PAPSS1: variants seen among roughly 807,000 people sequenced by gnomAD.
The protein encoded by PAPSS1 is bifunctional 3'-phosphoadenosine 5'-phosphosulfate synthase 1.
Under a neutral mutation model 72.0 loss-of-function variants are expected in PAPSS1, and 50 were observed. The observed-to-expected ratio is 0.69, with a 90% CI of 0.55 to 0.88. PAPSS1 has a LOEUF of 0.88. PAPSS1 is among the 40% of genes least tolerant of loss of function. PAPSS1 has a pLI of 0.00. For missense variants in PAPSS1, 657 were observed against 782.2 expected, an observed-to-expected ratio of 0.84 and a Z score of 1.91; for synonymous variants, 261 against 263.6, an observed-to-expected ratio of 0.99 and a Z score of 0.09.
At chr4:107,720,010 G>A in intron 1 of PAPSS1, 110 bp downstream of exon 1, 2 of 1,521,254 alleles carry the variant, frequency 1.3e-6, no homozygotes, top group Middle Eastern at 1.9e-4. Flanking sequence ...CCACCTCCGC[G>A]CTCCTGGAAG....
intron 11 of PAPSS1, 62 bp downstream of exon 11, chr4:107,631,569 T>G (rs1726224598): frequency 1.7e-6 from 2 of 1,171,200 alleles, no homozygotes; most frequent in Non-Finnish European, 2.5e-6. Flanking sequence ...ATAAGCTAAA[T>G]CCCTGGGAGC....
intron 5 of PAPSS1, among the ~76,000 whole-genome samples, chr4:107,677,274 G>A (rs893446452): frequency 5.9e-4 from 89 of 152,110 alleles, no homozygotes; most frequent in Admixed American, 1.7e-3. Flanking sequence ...GAAAATTTTT[G>A]CAATCTACTC....
chr4:107,716,438 T>C (rs1462478714), intron 1 of PAPSS1, among the ~76,000 whole-genome samples: 2 of 152,130 alleles, frequency 1.3e-5, no homozygotes, highest in Non-Finnish European at 2.9e-5. Context: ...GAAAGGTGAA[T>C]GGAAAAGCAA....
At position 107,659,948 on chromosome 4, in the gene PAPSS1, G is replaced by T; in HGVS notation, c.783+11C>A. 1 of 1,448,262 alleles carries T rather than the reference G, an allele frequency of 6.9e-7. No homozygotes were observed. The highest frequency in any genetic ancestry group is 1.2e-5 in the South Asian group (1 of 86,324). The allele number at this position is 1,448,262 out of a possible 1,614,324, so 89.7% of individuals were successfully genotyped here. ...TGTATCACTTAGTGTGAAAAGCAAC[G>T]AAGAACTTACTTTATTAATTTTCAG... On this transcript the variant is annotated intron_variant, in intron 6 of 11. Coordinates refer to ENST00000265174, the MANE Select transcript of PAPSS1 (RefSeq NM_005443.5).
At chr4:107,668,815 G>A (rs1245709953) in intron 5 of PAPSS1, among the ~76,000 whole-genome samples, 1 of 151,914 alleles carries the variant, frequency 6.6e-6, no homozygotes, top group Non-Finnish European at 1.5e-5. Context: ...ACATATATAT[G>A]TACGTATATT....
At chr4:107,716,635 G>A (rs879175776) in intron 1 of PAPSS1, among the ~76,000 whole-genome samples, 1 of 152,062 alleles carries the variant, frequency 6.6e-6, no homozygotes, top group Admixed American at 6.6e-5. Flanking sequence ...CATCCCCAAG[G>A]GCAGATGAAA....
At chr4:107,714,565 T>C (rs992935400) in intron 1 of PAPSS1, among the ~76,000 whole-genome samples, 8 of 152,142 alleles carry the variant, frequency 5.3e-5, no homozygotes, top group Non-Finnish European at 1.0e-4. Context: ...TCCAGGCTGA[T>C]GGGGGAAAAA....
Position 107,645,026 on chromosome 4 carries a change from G to A in PAPSS1, c.1282C>T (p.His428Tyr). 2 of 1,604,402 alleles carry A rather than the reference G, an allele frequency of 1.2e-6. No individual in the cohort carries two copies. Among genetic ancestry groups the A allele is most frequent in the Non-Finnish European group, 1.7e-6 (2 of 1,174,924 alleles). ...FQLRNPVHNG[H>Y]ALLMQDTHKQ... The stretch of plus-strand genomic sequence containing the variant: ...TGGGTATCCTGCATTAACAGGGCAT[G>A]TCCATTGTGCACTGGGTTGCGTAGT... The change falls in exon 10 of 12, where the codon CAT (histidine) becomes TAT (tyrosine). Residue 428 changes from histidine (H) to tyrosine (Y), a missense_variant. By Grantham distance (83) the His-to-Tyr change is moderately conservative. Coordinates refer to ENST00000265174, the MANE Select transcript of PAPSS1 (RefSeq NM_005443.5).
intron 3 of PAPSS1, among the ~76,000 whole-genome samples, chr4:107,692,778 G>GTGTATATATATA (rs531707529): frequency 1.4e-4 from 20 of 147,078 alleles, no homozygotes; most frequent in African/African-American, 4.7e-4. Flanking sequence ...AACACGGTGT[G>GTGTATATATATA]TATATATATA....
At chr4:107,648,859 T>C (rs1726762393) in intron 9 of PAPSS1, among the ~76,000 whole-genome samples, 1 of 152,160 alleles carries the variant, frequency 6.6e-6, no homozygotes, top group Non-Finnish European at 1.5e-5. Flanking sequence ...AAACTAACAG[T>C]CTTTCTTTTA....
intron 1 of PAPSS1, among the ~76,000 whole-genome samples, chr4:107,714,181 A>G (rs893666952): frequency 1.9e-4 from 29 of 152,312 alleles, no homozygotes; most frequent in African/African-American, 7.0e-4. Context: ...GCCTGCCTTC[A>G]GCAAGAACCC....
chr4:107,671,440 G>A (rs903836768), intron 5 of PAPSS1, among the ~76,000 whole-genome samples: 2 of 151,940 alleles, frequency 1.3e-5, no homozygotes. Context: ...GGCACCCAAA[G>A]CAAATTAAGC....
chr4:107,644,261 C>G (rs1411643120), intron 10 of PAPSS1, among the ~76,000 whole-genome samples: 1 of 152,164 alleles, frequency 6.6e-6, no homozygotes, highest in African/African-American at 2.4e-5. Flanking sequence ...TCACCTTCCC[C>G]TAAGGCAGTC....
At chr4:107,715,817 T>C (rs563487710) in intron 1 of PAPSS1, among the ~76,000 whole-genome samples, 2 of 152,350 alleles carry the variant, frequency 1.3e-5, no homozygotes, top group East Asian at 1.9e-4. Context: ...CCAGGAACCA[T>C]AGTTTTATAA....
At chr4:107,678,552 A>G (rs1727720978) in intron 5 of PAPSS1, among the ~76,000 whole-genome samples, 2 of 152,156 alleles carry the variant, frequency 1.3e-5, no homozygotes, top group African/African-American at 4.8e-5. Context: ...CTTTAGCAGA[A>G]CATGGGAGGA....
chr4:107,624,122 T>G (rs1399123362), intron 11 of PAPSS1, among the ~76,000 whole-genome samples: 1 of 152,198 alleles, frequency 6.6e-6, no homozygotes, highest in Non-Finnish European at 1.5e-5. Flanking sequence ...CTGTTCTACC[T>G]CACTCTGTTT....
At position 107,676,844 on chromosome 4, in the gene PAPSS1, C is replaced by T. The variant is rs373880705; in HGVS notation, c.669+5171G>A. Among the ~76,000 whole-genome samples, 113 of 152,246 alleles carry T rather than the reference C, an allele frequency of 7.4e-4. No homozygotes were observed. The East Asian group carries it at 0.018, about 24-fold the overall frequency. ...ACTGGTACCAAAACAGAGATATAGA[C>T]CAATGGAACAGAACAGAGCCCTCAG... On this transcript the variant is annotated intron_variant, in intron 5 of 11. Transcript: ENST00000265174.
chr4:107,634,891 G>A (rs1407632496), intron 10 of PAPSS1, among the ~76,000 whole-genome samples: 2 of 144,454 alleles, frequency 1.4e-5, no homozygotes, highest in East Asian at 4.0e-4. Context: ...TCCGCCTCCT[G>A]GGTTCACACC....
chr4:107,691,652 G>A lies in PAPSS1; in HGVS notation c.411+2119C>T, dbSNP rs529649401. Among the ~76,000 whole-genome samples, 8 of 152,244 alleles carry A rather than the reference G, an allele frequency of 5.3e-5. 1 individual carries two copies. The highest frequency in any genetic ancestry group is 1.9e-4 in the African/African-American group (8 of 41,534). ...AGCATAGCATCTAAGCCCAGGAGAC[G>A]CACTGTCTGGATGCAAACCTGTGCT... On this transcript the variant is annotated intron_variant, in intron 3 of 11. Transcript: ENST00000265174.
Sources: gnomAD v4.1 joint callset for allele counts (sites outside exome capture counted in the v4.1 genomes callset) on GRCh38, gnomAD v4.1.1 for gene constraint, MANE v1.5 for transcripts, NCBI Gene and HGNC (gene_info 2026-07-23, HGNC 2026-07-21) for gene names.